Variants in LRP1B observed in about 807,000 individuals in gnomAD.
LRP1B encodes the protein low-density lipoprotein receptor-related protein 1B.
In LRP1B, 217 loss-of-function variants were observed where a neutral mutation model predicts 556.6. That is an observed-to-expected ratio of 0.39 (90% CI 0.35 to 0.44). The LOEUF (loss-of-function observed/expected upper bound fraction) is 0.44. Among genes scored for constraint, LRP1B ranks in the 20% least tolerant of loss-of-function variants. The pLI, the probability that LRP1B is intolerant of heterozygous loss-of-function variation, is 1.00. For missense variants in LRP1B, 5,053 were observed against 5,620.8 expected (o/e 0.90, Z 3.23); for synonymous variants, 2,047 against 1,865.8 (o/e 1.10, Z -2.50).
chr2:141,195,619 G>T (rs530780047), intron 6 of LRP1B, among the ~76,000 whole-genome samples: 21 of 152,184 alleles, frequency 1.4e-4, no homozygotes, highest in African/African-American at 5.1e-4. Context: ...AACTGTTTTG[G>T]ATTCCTGAAA....
chr2:141,404,101 G>A lies in LRP1B; in HGVS notation c.343+76295C>T, dbSNP rs1690542434. On this transcript the variant is annotated intron_variant, in intron 3 of 90. Transcript: ENST00000389484. ...TGTCTAAATCATTAAGTCATAAAAA[G>A]TTAAGATAAAAATATGGTAAATTAC... Among the ~76,000 whole-genome samples, 3 of 152,206 alleles carry A rather than the reference G, an allele frequency of 2.0e-5. No individual in the cohort carries two copies. The South Asian group carries it at 6.2e-4, about 32-fold the overall frequency.
intron 72 of LRP1B, among the ~76,000 whole-genome samples, chr2:140,362,609 C>T (rs533132768): frequency 2.6e-5 from 4 of 151,672 alleles, no homozygotes; most frequent in African/African-American, 9.7e-5. Context: ...TTGAGTAAGC[C>T]ATGGTTTGCT....
intron 7 of LRP1B, among the ~76,000 whole-genome samples, chr2:141,111,160 TAAAATA>T (rs1257069609): frequency 6.6e-6 from 1 of 151,622 alleles, no homozygotes; most frequent in African/African-American, 2.4e-5. Context: ...GCAATAAAAA[TAAAATA>T]AAAATATCAA....
chr2:140,981,513 C>T (rs1045289980), intron 18 of LRP1B, among the ~76,000 whole-genome samples: 17 of 151,984 alleles, frequency 1.1e-4, no homozygotes, highest in East Asian at 3.9e-4. Flanking sequence ...CAAATGGTAA[C>T]GAAACATACT....
chr2:141,127,439 C>T (rs1021495742), intron 7 of LRP1B, among the ~76,000 whole-genome samples: 2 of 152,050 alleles, frequency 1.3e-5, no homozygotes, highest in African/African-American at 2.4e-5. Context: ...CAGATGCACA[C>T]GTATGTTTAT....
intron 2 of LRP1B, among the ~76,000 whole-genome samples, chr2:141,680,621 A>T (rs574018428): frequency 1.3e-5 from 2 of 152,160 alleles, no homozygotes; most frequent in Non-Finnish European, 2.9e-5. Flanking sequence ...AAATGAAAGT[A>T]TGAGGCACAT....
intron 56 of LRP1B, among the ~76,000 whole-genome samples, chr2:140,493,745 A>G (rs1688801354): frequency 6.6e-6 from 1 of 152,128 alleles, no homozygotes; most frequent in African/African-American, 2.4e-5. Flanking sequence ...ATTGTTTGAA[A>G]TCATTATTTT....
chr2:140,457,753 G>A (rs886945062), intron 60 of LRP1B, 102 bp from the exon 61 acceptor site: 14 of 918,026 alleles, frequency 1.5e-5, no homozygotes, highest in African/African-American at 6.6e-5. Context: ...ACATAACTTC[G>A]TGTGAATAAT....
chr2:141,102,681 T>C (rs1468762385), intron 7 of LRP1B, among the ~76,000 whole-genome samples: 1 of 151,968 alleles, frequency 6.6e-6, no homozygotes, highest in Non-Finnish European at 1.5e-5. Context: ...AAAAAAAAGG[T>C]ACAACTATAA....
chr2:141,519,360 GATATATATATATAT>G (rs60473210), intron 2 of LRP1B, among the ~76,000 whole-genome samples: 9,519 of 68,172 alleles, frequency 0.14, 682 homozygotes, highest in Middle Eastern at 0.26. Flanking sequence ...TTAAGTCAAT[GATATATATATATAT>G]ATATATATAT....
At chr2:141,945,272 T>C (rs901542601) in intron 1 of LRP1B, among the ~76,000 whole-genome samples, 8 of 152,140 alleles carry the variant, frequency 5.3e-5, no homozygotes, top group African/African-American at 1.9e-4. Flanking sequence ...AATATACTAA[T>C]GTCCTCATGG....
At chr2:140,555,069 C>T (rs189317313) in intron 43 of LRP1B, among the ~76,000 whole-genome samples, 31 of 151,938 alleles carry the variant, frequency 2.0e-4, no homozygotes, top group Admixed American at 5.9e-4. Flanking sequence ...CTCTGGATCT[C>T]GCTGTCTAAA....
chr2:141,240,342 C>A (rs1020839247), intron 5 of LRP1B, among the ~76,000 whole-genome samples: 1 of 148,342 alleles, frequency 6.7e-6, no homozygotes, highest in Non-Finnish European at 1.5e-5. Flanking sequence ...GCCTTGAAGT[C>A]TCTGAAAAAT....
intron 17 of LRP1B, among the ~76,000 whole-genome samples, chr2:140,986,539 A>C (rs1165332397): frequency 2.0e-5 from 3 of 152,262 alleles, no homozygotes. Flanking sequence ...TACTTTTTCT[A>C]ATTGAATGGC....
In LRP1B at chr2:141,994,237, T is replaced by G. The variant is rs190966724; in HGVS notation, c.82+136411A>C. On this transcript the variant is annotated intron_variant, in intron 1 of 90. Transcript: ENST00000389484. ...AAGTACCCTCCAGGTAGTTGAGCTGTTAATGTAATAGTGGCCAGCTGGCAA... is the reference window on the plus strand; with the variant it reads ...AAGTACCCTCCAGGTAGTTGAGCTGGTAATGTAATAGTGGCCAGCTGGCAA... 3.9e-5 allele frequency among the ~76,000 whole-genome samples: 6 copies of G among 152,280 alleles called. No homozygotes were observed. The East Asian group carries it at 9.7e-4, about 24-fold the overall frequency.
chr2:140,452,081 A>T (rs1490822422), intron 62 of LRP1B, among the ~76,000 whole-genome samples: 1 of 152,198 alleles, frequency 6.6e-6, no homozygotes, highest in East Asian at 1.9e-4. Context: ...TATTTAGCAC[A>T]CAAGTGACTT....
chr2:141,346,289 CA>C (rs1688256188), intron 3 of LRP1B, among the ~76,000 whole-genome samples: 1 of 151,984 alleles, frequency 6.6e-6, no homozygotes, highest in African/African-American at 2.4e-5. Context: ...TTAAAAAAAG[CA>C]ACCCGTTGGG....
At chr2:140,894,248 CCTCT>C (rs1462289388) in intron 23 of LRP1B, among the ~76,000 whole-genome samples, 2 of 152,222 alleles carry the variant, frequency 1.3e-5, no homozygotes, top group East Asian at 3.9e-4. Context: ...GATTTTCCTC[CCTCT>C]GTCAGTAAAA....
intron 1 of LRP1B, among the ~76,000 whole-genome samples, chr2:141,978,768 T>C (rs1339108786): frequency 1.3e-5 from 2 of 152,048 alleles, no homozygotes; most frequent in East Asian, 1.9e-4. Context: ...AATGCTAGCT[T>C]ATTTGATCCA....
Sources: allele counts gnomAD v4.1 joint callset (sites outside exome capture counted in the v4.1 genomes callset), GRCh38; gene constraint gnomAD v4.1.1; transcripts MANE v1.5; gene names NCBI Gene and HGNC (gene_info 2026-07-23, HGNC 2026-07-21).